NAALADL2: variants seen among roughly 807,000 people sequenced by gnomAD.
NAALADL2 encodes the protein inactive N-acetylated-alpha-linked acidic dipeptidase-like protein 2.
In NAALADL2, 76 loss-of-function variants were observed where a neutral mutation model predicts 87.2. That is an observed-to-expected ratio of 0.87 (90% CI 0.72 to 1.05). The LOEUF is 1.05. Ranked by LOEUF, NAALADL2 falls within the 50% of genes least tolerant of loss-of-function variation. The probability of loss-of-function intolerance (pLI) is 0.00; values close to 1 mark genes in which losing one functional copy is unlikely to be tolerated. For missense variants in NAALADL2, 1,089 were observed against 945.8 expected, an observed-to-expected ratio of 1.15 and a Z score of -1.99; for synonymous variants, 354 against 331.0, an observed-to-expected ratio of 1.07 and a Z score of -0.75.
chr3:174,647,101 C>T (rs1232612171), intron 2 of NAALADL2, among the ~76,000 whole-genome samples: 2 of 152,056 alleles, frequency 1.3e-5, no homozygotes, highest in East Asian at 1.9e-4. Context: ...AATAATGCTA[C>T]TTTATATATA....
chr3:175,436,373 G>A (rs201468252), intron 5 of NAALADL2, among the ~76,000 whole-genome samples: 315 of 143,476 alleles, frequency 2.2e-3, no homozygotes, highest in African/African-American at 5.9e-3. Flanking sequence ...CCCACTAATG[G>A]GATGGCTGGG....
At chr3:174,874,710 A>G (rs1728257922) in intron 1 of NAALADL2, among the ~76,000 whole-genome samples, 1 of 152,160 alleles carries the variant, frequency 6.6e-6, no homozygotes, top group African/African-American at 2.4e-5. Context: ...TTTGCTACTT[A>G]AATATTTTAC....
chr3:175,527,926 C>A (rs1237652450), intron 9 of NAALADL2, among the ~76,000 whole-genome samples: 1 of 152,112 alleles, frequency 6.6e-6, no homozygotes, highest in Non-Finnish European at 1.5e-5. Flanking sequence ...TTACCATGAT[C>A]TCATGGTCTC....
rs1212551637 is a variant in NAALADL2, at chr3:175,449,394, C to CTTCTTTTTTT, written c.1234+2024_1234+2025insCTTTTTTTTT. ...TGCCTGGCCTAACATTAATTTTCTTCTTTTTTTTTTTTTTTTTTTGAGACA... is the reference window on the plus strand; with the variant it reads ...TGCCTGGCCTAACATTAATTTTCTTCTTCTTTTTTTTTTTTTTTTTTTTTTTTTTGAGACA... On this transcript the variant is annotated intron_variant, in intron 6 of 13. Coordinates refer to ENST00000454872, the MANE Select transcript of NAALADL2 (RefSeq NM_207015.3). Among the ~76,000 whole-genome samples, 10 of 48,564 alleles carry CTTCTTTTTTT rather than the reference C, an allele frequency of 2.1e-4. 1 individual carries two copies. Among genetic ancestry groups the CTTCTTTTTTT allele is most frequent in the Admixed American group, 1.1e-3 (4 of 3,586 alleles). The allele number at this position is 48,564 out of a possible 152,430, so 31.9% of individuals were successfully genotyped here.
intron 11 of NAALADL2, among the ~76,000 whole-genome samples, chr3:175,705,834 A>C (rs2149983357): frequency 6.6e-6 from 1 of 152,250 alleles, no homozygotes. Context: ...TCCTTTATCT[A>C]ACTGTGCTCC....
At chr3:175,730,409 T>TATATAG (rs1743536866) in intron 11 of NAALADL2, among the ~76,000 whole-genome samples, 1 of 81,080 alleles carries the variant, frequency 1.2e-5, no homozygotes, top group Non-Finnish European at 2.5e-5. Flanking sequence ...TATATATATA[T>TATATAG]ATATATATAT....
chr3:175,148,309 G>A (rs1472713958), intron 2 of NAALADL2, among the ~76,000 whole-genome samples: 1 of 151,520 alleles, frequency 6.6e-6, no homozygotes, highest in African/African-American at 2.4e-5. Context: ...GTTTTTTGCT[G>A]TTGAAAGTTC....
chr3:174,799,704 T>C (rs1718582295), intron 3 of NAALADL2, among the ~76,000 whole-genome samples: 1 of 152,180 alleles, frequency 6.6e-6, no homozygotes, highest in South Asian at 2.1e-4. Context: ...TGGAAGTGAC[T>C]TTCAAACTGG....
chr3:174,771,561 A>C (rs906977006), intron 3 of NAALADL2, among the ~76,000 whole-genome samples: 1 of 152,176 alleles, frequency 6.6e-6, no homozygotes, highest in African/African-American at 2.4e-5. Context: ...TTGGTAAAGG[A>C]ATGGCGAAAC....
At chr3:174,591,682 T>C (rs867412470) in intron 2 of NAALADL2, among the ~76,000 whole-genome samples, 10 of 152,202 alleles carry the variant, frequency 6.6e-5, no homozygotes, top group South Asian at 2.1e-4. Context: ...ATAAAATACA[T>C]GTTGTGCCTT....
At chr3:175,658,746 A>G (rs1731851551) in intron 11 of NAALADL2, among the ~76,000 whole-genome samples, 1 of 152,218 alleles carries the variant, frequency 6.6e-6, no homozygotes, top group Non-Finnish European at 1.5e-5. Context: ...CTTAATTTTG[A>G]AGGTTCATTG....
Position 175,004,376 on chromosome 3 carries a change from C to CAAAAA in NAALADL2, c.44-92389_44-92385dup, listed in dbSNP as rs538715061. Among the ~76,000 whole-genome samples, 190 of 33,828 alleles carry CAAAAA rather than the reference C, an allele frequency of 5.6e-3. 4 individuals carry two copies. Among genetic ancestry groups the CAAAAA allele is most frequent in the East Asian group, 0.015 (15 of 1,016 alleles). 22.2% of individuals were successfully genotyped at this position (33,828 alleles called of 152,430 possible). A position where few individuals can be genotyped will look rare whatever the true frequency, so the allele number is the denominator to read the frequency against. On this transcript the variant is annotated intron_variant, in intron 1 of 13. Coordinates refer to ENST00000454872, the MANE Select transcript of NAALADL2 (RefSeq NM_207015.3). ...CCTGGGTGACAGAGTGAGACTATTTCAAAAAAAAAAAAAAAAAAAAAAAAA... is the reference window on the plus strand; with the variant it reads ...CCTGGGTGACAGAGTGAGACTATTTCAAAAAAAAAAAAAAAAAAAAAAAAAAAAAA...
chr3:174,900,116 C>G, intron 1 of NAALADL2, among the ~76,000 whole-genome samples: 1 of 151,876 alleles, frequency 6.6e-6, no homozygotes, highest in East Asian at 1.9e-4. Context: ...ACCAGTTCTA[C>G]GAGATATTAC....
chr3:174,701,878 T>G (rs114471458), intron 2 of NAALADL2, among the ~76,000 whole-genome samples: 2 of 152,282 alleles, frequency 1.3e-5, no homozygotes, highest in African/African-American at 4.8e-5. Flanking sequence ...TTTTTGCAAT[T>G]ACAAAAAAGA....
intron 5 of NAALADL2, among the ~76,000 whole-genome samples, chr3:175,393,636 G>C (rs62288016): frequency 5.3e-5 from 8 of 151,686 alleles, no homozygotes; most frequent in African/African-American, 1.9e-4. Flanking sequence ...TTTCTCTCTG[G>C]ATTATTTGAG....
chr3:175,281,645 T>C (rs2110083225), intron 4 of NAALADL2, among the ~76,000 whole-genome samples: 1 of 152,134 alleles, frequency 6.6e-6, no homozygotes, highest in South Asian at 2.1e-4. Flanking sequence ...TTCACATGAA[T>C]ACATTACATA....
At chr3:174,546,037 G>T (rs1191985244) in intron 1 of NAALADL2, among the ~76,000 whole-genome samples, 1 of 150,704 alleles carries the variant, frequency 6.6e-6, no homozygotes, top group Non-Finnish European at 1.5e-5. Flanking sequence ...CATTTCTCAT[G>T]TATTTAATAA....
Position 175,474,203 on chromosome 3 carries a change from G to T in NAALADL2, c.1653+2445G>T, listed in dbSNP as rs780347094. Among the ~76,000 whole-genome samples, 246 of 152,050 alleles carry T rather than the reference G, an allele frequency of 1.6e-3. 1 individual carries two copies. The highest frequency in any genetic ancestry group is 3.5e-3 in the Admixed American group (54 of 15,250). ...ATTGTAAATGACACAAGACTGTATA[G>T]AATATCTAATCCTTTGTATAGCAAT... On this transcript the variant is annotated intron_variant, in intron 9 of 13. Transcript: ENST00000454872.
chr3:175,214,553 C>T (rs936121030), intron 2 of NAALADL2, among the ~76,000 whole-genome samples: 3 of 152,104 alleles, frequency 2.0e-5, no homozygotes, highest in Non-Finnish European at 4.4e-5. Context: ...TGCTTATCAT[C>T]AGTCTTCTTT....
Sources: gnomAD v4.1 joint callset for allele counts (sites outside exome capture counted in the v4.1 genomes callset) on GRCh38, gnomAD v4.1.1 for gene constraint, MANE v1.5 for transcripts, NCBI Gene and HGNC (gene_info 2026-07-23, HGNC 2026-07-21) for gene names.